Variants in YJU2B observed in about 807,000 individuals in gnomAD.
YJU2B encodes the protein YJU2 splicing factor homolog B, also known as probable splicing factor YJU2B.
Under a neutral mutation model 38.0 loss-of-function variants are expected in YJU2B, and 18 were observed. The ratio of observed to expected loss-of-function variants is 0.47; its 90% CI spans 0.33 to 0.70. The LOEUF is 0.70. Ranked by LOEUF, YJU2B falls within the 30% of genes least tolerant of loss-of-function variation. The pLI is 0.02. For missense variants in YJU2B, 538 were observed against 556.3 expected (o/e 0.97, Z 0.33); for synonymous variants, 246 against 225.4 (o/e 1.09, Z -0.82).
chr19:13,739,270 C>T (rs1309360765), intron 2 of YJU2B, among the ~76,000 whole-genome samples: 4 of 152,106 alleles, frequency 2.6e-5, no homozygotes, highest in Middle Eastern at 3.4e-3. Flanking sequence ...CTCAGCCTCC[C>T]GAGTAGCTGG....
upstream of YJU2B, among the ~76,000 whole-genome samples, chr19:13,747,492 C>T (rs1439606413): frequency 2.0e-5 from 3 of 152,160 alleles, no homozygotes; most frequent in Non-Finnish European, 2.9e-5. Context: ...TTTCTTGAGA[C>T]GGAGTCTTGC....
Position 13,757,871 on chromosome 19 carries a change from G to C in YJU2B, c.257+25G>C, listed in dbSNP as rs374773136. On this transcript the variant is annotated intron_variant, in intron 6 of 9. Transcript: ENST00000221554. ...GGTAAGGGCGGCTTGGTGGCATCTT[G>C]GGAACAGGTGGGGTGGCCACAGGGC... 1.4e-4 allele frequency: 225 copies of C among 1,606,044 alleles called. 1 individual carries two copies. The African/African-American group carries it at 2.7e-3, about 19-fold the overall frequency.
At chr19:13,748,048 G>C (rs417475) in intron 1 of YJU2B, 94 bp downstream of exon 1, 1 of 152,040 alleles carries the variant, frequency 6.6e-6, no homozygotes, top group East Asian at 2.0e-4. Context: ...CTTCCGCGTC[G>C]GGGGACGCGG....
intron 2 of YJU2B, among the ~76,000 whole-genome samples, chr19:13,737,703 G>T (rs12983694): frequency 0.021 from 2,574 of 122,668 alleles, no homozygotes; most frequent in Middle Eastern, 0.094. Flanking sequence ...GGGAATCGCT[G>T]GAACCTGGGA....
At chr19:13,756,056 A>G (rs1973654814) in intron 3 of YJU2B, 141 bp from the exon 4 acceptor site, 3 of 684,992 alleles carry the variant, frequency 4.4e-6, no homozygotes, top group East Asian at 2.7e-5. Flanking sequence ...CCCTATTGCT[A>G]TGAACACCCG....
rs1280511395 is a variant in YJU2B at position 13,757,775 on chromosome 19, C to T, written c.197-11C>T. ...CAATGAAATTACCACCCCCGCCTGA[C>T]CCCCTTCCAGGTGTTCGTTACAATG... On this transcript the variant is annotated splice_polypyrimidine_tract_variant and intron_variant, in intron 5 of 9. Transcript: ENST00000221554. 3 of 1,613,098 alleles carry T rather than the reference C, an allele frequency of 1.9e-6. No individual in the cohort carries two copies. The highest frequency in any genetic ancestry group is 2.7e-5 in the African/African-American group (2 of 74,384).
chr19:13,760,521 A>C (rs1973848006), intron 8 of YJU2B, among the ~76,000 whole-genome samples: 1 of 152,158 alleles, frequency 6.6e-6, no homozygotes, highest in Non-Finnish European at 1.5e-5. Context: ...GGGGACACAG[A>C]CATTGAGACC....
At chr19:13,741,870 C>G (rs954632193) in intron 2 of YJU2B, among the ~76,000 whole-genome samples, 1 of 152,138 alleles carries the variant, frequency 6.6e-6, no homozygotes, top group African/African-American at 2.4e-5. Context: ...TGGAAGTTCC[C>G]TTATTTGACT....
chr19:13,753,536 T>C (rs1973549059), intron 2 of YJU2B, among the ~76,000 whole-genome samples: 1 of 137,444 alleles, frequency 7.3e-6, no homozygotes, highest in Non-Finnish European at 1.5e-5. Context: ...ATCGCACCAT[T>C]GCACTCCAGC....
intron 1 of YJU2B, 54 bp downstream of exon 1, chr19:13,748,008 CA>C (rs1973313519): frequency 6.6e-6 from 1 of 152,282 alleles, no homozygotes; most frequent in Admixed American, 6.5e-5. Flanking sequence ...GCAGCCGCCT[CA>C]CCCTGGCCTC....
Position 13,756,188 on chromosome 19 carries a change from TCCACACAGCATGGCTCTCTCAACCGATA to T in YJU2B, c.58-3_82del. On this transcript the variant is annotated splice_acceptor_variant and splice_polypyrimidine_tract_variant and coding_sequence_variant and intron_variant, in exon 4 of 10. Coordinates refer to ENST00000221554, the MANE Select transcript of YJU2B (RefSeq NM_030818.4). LOFTEE classifies it high-confidence loss of function. ...CAGCACTAATCCGCTCCTCATCCTC[TCCACACAGCATGGCTCTCTCAACCGATA>T]CCACAACAGCCACCCGCTTCGGGAG... 1.2e-6 allele frequency: 2 copies of T among 1,613,204 alleles called. No homozygotes were observed. Among genetic ancestry groups the T allele is most frequent in the Non-Finnish European group, 1.7e-6 (2 of 1,179,348 alleles).
chr19:13,747,842 C>T (rs546657746), upstream of YJU2B: 4 of 152,444 alleles, frequency 2.6e-5, no homozygotes, highest in East Asian at 7.7e-4. Flanking sequence ...GAGCTGCTGC[C>T]TCGCCCCGCC....
chr19:13,745,709 C>CTA (rs1973222072), upstream of YJU2B, among the ~76,000 whole-genome samples: 3 of 51,480 alleles, frequency 5.8e-5, no homozygotes, highest in African/African-American at 2.0e-4. Context: ...ATATAGATAT[C>CTA]TATAGATCTA....
intron 3 of YJU2B, among the ~76,000 whole-genome samples, chr19:13,755,313 T>C (rs567136437): frequency 6.6e-6 from 1 of 151,688 alleles, no homozygotes; most frequent in African/African-American, 2.4e-5. Flanking sequence ...ATACAAAAAT[T>C]AGCTGGGCGT....
chr19:13,753,574 C>CA (rs34397712), intron 2 of YJU2B, among the ~76,000 whole-genome samples: 20,972 of 70,886 alleles, frequency 0.3, 3,383 homozygotes, highest in East Asian at 0.35. Flanking sequence ...AACTCTGTCT[C>CA]AAAAAAAAAA....
Position 13,758,947 on chromosome 19 carries a change from A to C in YJU2B, c.337A>C (p.Ser113Arg), listed in dbSNP as rs1973771380. 3 of 1,613,928 alleles carry C rather than the reference A, an allele frequency of 1.9e-6. No individual in the cohort carries two copies. Among genetic ancestry groups the C allele is most frequent in the Non-Finnish European group, 2.5e-6 (3 of 1,180,028 alleles). ...DPANCDYVIV[S>R]GAQRKEERWD... ...CGCCAACTGCGACTACGTGATCGTG[A>C]GTGGCGCCCAGCGCAAGGAGGAGCG... is the stretch of plus-strand genomic sequence containing the variant. The change falls in exon 7 of 10, where the codon AGT (serine) becomes CGT (arginine). Residue 113 changes from serine (S) to arginine (R), a missense_variant. Ser to Arg is a moderately radical substitution (Grantham distance 110). Coordinates refer to ENST00000221554, the MANE Select transcript of YJU2B (RefSeq NM_030818.4).
chr19:13,756,433 CAAT>C (rs1973671256), intron 4 of YJU2B, among the ~76,000 whole-genome samples, 154 bp downstream of exon 4: 1 of 152,182 alleles, frequency 6.6e-6, no homozygotes, highest in African/African-American at 2.4e-5. Context: ...TGTGACAAAA[CAAT>C]AAGCATTTAT....
chr19:13,750,137 C>G (rs560284124), intron 1 of YJU2B, among the ~76,000 whole-genome samples: 3 of 152,116 alleles, frequency 2.0e-5, no homozygotes, highest in African/African-American at 7.2e-5. Context: ...TGTGACCTGC[C>G]GGGGGAGACA....
chr19:13,745,744 GAT>G (rs1187936353), upstream of YJU2B, among the ~76,000 whole-genome samples: 4 of 80,918 alleles, frequency 4.9e-5, no homozygotes, highest in Non-Finnish European at 9.9e-5. Context: ...TATATATATA[GAT>G]ATATATATAT....
Sources: gnomAD v4.1 joint callset for allele counts (sites outside exome capture counted in the v4.1 genomes callset) on GRCh38, gnomAD v4.1.1 for gene constraint, MANE v1.5 for transcripts, NCBI Gene and HGNC (gene_info 2026-07-23, HGNC 2026-07-21) for gene names.